Variants in CACNB4 observed in about 807,000 individuals in gnomAD.
The protein encoded by CACNB4 is calcium voltage-gated channel auxiliary subunit beta 4.
A neutral mutation model predicts 71.2 loss-of-function variants in CACNB4; 32 were observed. That is an observed-to-expected ratio of 0.45 (90% CI 0.34 to 0.60). The LOEUF (loss-of-function observed/expected upper bound fraction) is 0.60. Among genes scored for constraint, CACNB4 ranks in the 20% least tolerant of loss-of-function variants. The pLI is 0.01. For missense variants in CACNB4, 464 were observed against 647.9 expected (o/e 0.72, Z 3.08); for synonymous variants, 231 against 236.9 (o/e 0.97, Z 0.23).
intron 2 of CACNB4, among the ~76,000 whole-genome samples, chr2:152,020,452 G>A (rs1363183578): frequency 1.3e-5 from 2 of 152,210 alleles, no homozygotes; most frequent in Non-Finnish European, 2.9e-5. Context: ...AGGTGCTCCT[G>A]TCTGAGAAGT....
intron 2 of CACNB4, among the ~76,000 whole-genome samples, chr2:151,932,818 T>C (rs995240480): frequency 4.1e-5 from 5 of 121,968 alleles, no homozygotes; most frequent in African/African-American, 1.7e-4. Context: ...CAACAGAGAC[T>C]GGATCTAAAA....
chr2:152,092,327 GCATTTCATCAGAGAAA>G (rs1688017543), intron 2 of CACNB4, among the ~76,000 whole-genome samples: 1 of 152,198 alleles, frequency 6.6e-6, no homozygotes, highest in Admixed American at 6.5e-5. Context: ...TGATGAATTT[GCATTTCATCAGAGAAA>G]CATATCTATA....
At chr2:151,911,989 T>C (rs1307841609) in intron 2 of CACNB4, among the ~76,000 whole-genome samples, 3 of 152,206 alleles carry the variant, frequency 2.0e-5, no homozygotes, top group African/African-American at 4.8e-5. Flanking sequence ...TGATGGTAAT[T>C]TGTATTTCTT....
At chr2:151,942,627 A>C (rs182520691) in intron 2 of CACNB4, among the ~76,000 whole-genome samples, 4 of 137,326 alleles carry the variant, frequency 2.9e-5, no homozygotes, top group Admixed American at 6.8e-5. Flanking sequence ...GCAATTATGG[A>C]AGATATTGCT....
At chr2:151,961,987 A>G (rs1006549764) in intron 2 of CACNB4, among the ~76,000 whole-genome samples, 16 of 152,204 alleles carry the variant, frequency 1.1e-4, no homozygotes, top group African/African-American at 3.9e-4. Context: ...ATGGAACCAA[A>G]TCACCTCTCT....
chr2:151,974,981 G>C (rs1467293811), intron 2 of CACNB4, among the ~76,000 whole-genome samples: 4 of 152,194 alleles, frequency 2.6e-5, no homozygotes, highest in African/African-American at 7.2e-5. Context: ...CAGAAACTCA[G>C]AGGCTCTAAG....
chr2:151,993,158 T>A (rs551287865), intron 2 of CACNB4, among the ~76,000 whole-genome samples: 47 of 152,076 alleles, frequency 3.1e-4, no homozygotes, highest in African/African-American at 1.0e-3. Flanking sequence ...TTTGTTTTTT[T>A]TTTTTTTAAA....
intron 2 of CACNB4, among the ~76,000 whole-genome samples, chr2:151,922,080 C>T (rs945238542): frequency 6.6e-6 from 1 of 152,218 alleles, no homozygotes; most frequent in Non-Finnish European, 1.5e-5. Flanking sequence ...TGCCATCTCT[C>T]TTGTTCTCTC....
chr2:152,060,251 G>A lies in CACNB4; in HGVS notation c.147+38079C>T, dbSNP rs539986452. Among the ~76,000 whole-genome samples the A allele has an allele frequency of 6.6e-5, 10 of 152,300 alleles. No individual in the cohort carries two copies. In the South Asian group the frequency reaches 1.0e-3, roughly 16 times the overall value. The stretch of plus-strand genomic sequence containing the variant: ...TATTCATCTTTATAGCCTTTGGTGT[G>A]TAGTAAAAAGTTAATCAACAGTTGG... On this transcript the variant is annotated intron_variant, in intron 2 of 13. Transcript: ENST00000539935.
rs375143774 is a variant in CACNB4, at chr2:151,978,615, A to T, written c.148-95245T>A. ...TGTGCAAATTAAAAGCCTTGGTCTA[A>T]TAAAACGTTCGGATGGGTACCTGGC... On this transcript the variant is annotated intron_variant, in intron 2 of 13. Transcript: ENST00000539935. Among the ~76,000 whole-genome samples the T allele has an allele frequency of 2.0e-5, 3 of 152,326 alleles. No individual in the cohort carries two copies. In the East Asian group the frequency reaches 5.8e-4, roughly 29 times the overall value.
intron 2 of CACNB4, among the ~76,000 whole-genome samples, chr2:151,932,613 T>C (rs1470698037): frequency 6.6e-6 from 1 of 152,000 alleles, no homozygotes; most frequent in Non-Finnish European, 1.5e-5. Flanking sequence ...AAACCAGTAT[T>C]GGTGTCTATT....
At position 151,945,808 on chromosome 2, in the gene CACNB4, T is replaced by C. The variant is rs1434864444; in HGVS notation, c.148-62438A>G. ...GGAGGCGGGAGCTGAGCCCAGGAGT[T>C]CAAGGCTGCAGTGAGCTAAGATTAT... is the stretch of plus-strand genomic sequence containing the variant. On this transcript the variant is annotated intron_variant, in intron 2 of 13. Coordinates refer to ENST00000539935, the MANE Select transcript of CACNB4 (RefSeq NM_000726.5). Among the ~76,000 whole-genome samples the C allele has an allele frequency of 2.6e-5, 4 of 151,476 alleles. No individual in the cohort carries two copies. The South Asian group carries it at 8.4e-4, about 32-fold the overall frequency.
chr2:152,092,203 C>A (rs528363638), intron 2 of CACNB4, among the ~76,000 whole-genome samples: 1 of 152,354 alleles, frequency 6.6e-6, no homozygotes, highest in South Asian at 2.1e-4. Context: ...TTTCTGCAAT[C>A]TCTTCCTGTT....
At chr2:152,067,390 G>GT (rs1686404143) in intron 2 of CACNB4, among the ~76,000 whole-genome samples, 4 of 148,084 alleles carry the variant, frequency 2.7e-5, no homozygotes, top group Non-Finnish European at 4.4e-5. Flanking sequence ...TGTGTGTGTG[G>GT]GGGGGGGGGT....
intron 12 of CACNB4, chr2:151,852,631 A>T (rs190631845): frequency 6.6e-6 from 1 of 152,184 alleles, no homozygotes; most frequent in African/African-American, 2.4e-5. Flanking sequence ...TCAAAACCCA[A>T]ATATCTGGCT....
chr2:152,044,784 C>A (rs2105263187), intron 2 of CACNB4, among the ~76,000 whole-genome samples: 1 of 152,306 alleles, frequency 6.6e-6, no homozygotes, highest in Middle Eastern at 3.4e-3. Context: ...CATGGCAGGT[C>A]CACAGCCTGA....
At position 151,909,645 on chromosome 2, in the gene CACNB4, A is replaced by G. The variant is rs139627840; in HGVS notation, c.148-26275T>C. ...TGTGTCCATGTGTTCTCAATGTTCA[A>G]CTCCCACTTGTGAGTGCAAACGTGG... On this transcript the variant is annotated intron_variant, in intron 2 of 13. Coordinates refer to ENST00000539935, the MANE Select transcript of CACNB4 (RefSeq NM_000726.5). Among the ~76,000 whole-genome samples the G allele has an allele frequency of 4.1e-3, 617 of 151,210 alleles. 4 individuals carry two copies. The highest frequency in any genetic ancestry group is 0.014 in the African/African-American group (573 of 41,142).
intron 2 of CACNB4, among the ~76,000 whole-genome samples, chr2:151,956,464 C>T (rs565832198): frequency 6.6e-6 from 1 of 152,268 alleles, no homozygotes; most frequent in South Asian, 2.1e-4. Flanking sequence ...GTGTGGTTCC[C>T]AATGTACGAA....
rs150610613 is a variant in CACNB4, at chr2:151,883,188, G to A, written c.267+63C>T. 590 of 1,541,878 alleles carry A rather than the reference G, an allele frequency of 3.8e-4. 7 individuals are homozygous for A. In the African/African-American group the frequency reaches 6.2e-3, roughly 16 times the overall value. On this transcript the variant is annotated intron_variant, in intron 3 of 13. Transcript: ENST00000539935. ...ATTCCAGAAATGTGAGGTAAGGGAA[G>A]AGCAGCTGGTAGCCACTGAGCAACG...
Sources: gnomAD v4.1 joint callset for allele counts (sites outside exome capture counted in the v4.1 genomes callset) on GRCh38, gnomAD v4.1.1 for gene constraint, MANE v1.5 for transcripts, NCBI Gene and HGNC (gene_info 2026-07-23, HGNC 2026-07-21) for gene names.